The following DCAF1 variants were observed in gnomAD, a reference collection of about 807,000 sequenced individuals.
The protein encoded by DCAF1 is DDB1 and CUL4 associated factor 1, also known as DDB1- and CUL4-associated factor 1.
Under a neutral mutation model 128.0 loss-of-function variants are expected in DCAF1, and 15 were observed. That is an observed-to-expected ratio of 0.12 (90% confidence interval 0.08 to 0.18). DCAF1 has a LOEUF of 0.18. Among genes scored for constraint, DCAF1 ranks in the 10% least tolerant of loss-of-function variants. The pLI is 1.00. For synonymous variants in DCAF1, 610 were observed against 603.0 expected (o/e 1.01, Z -0.17); for missense variants, 988 against 1,649.5 (o/e 0.60, Z 6.95).
chr3:51,452,294 C>A (rs1452874931), intron 6 of DCAF1, among the ~76,000 whole-genome samples: 4 of 152,050 alleles, frequency 2.6e-5, no homozygotes, highest in South Asian at 2.1e-4. Context: ...CTGAGGAACA[C>A]CAATAGCTAA....
chr3:51,491,898 CTGTT>C (rs1707692033), intron 2 of DCAF1, among the ~76,000 whole-genome samples: 2 of 152,172 alleles, frequency 1.3e-5, no homozygotes, highest in African/African-American at 4.8e-5. Flanking sequence ...TGGCTCACGC[CTGTT>C]ATCCCAGCAC....
intron 3 of DCAF1, among the ~76,000 whole-genome samples, chr3:51,475,330 A>G (rs931163208): frequency 6.6e-6 from 1 of 152,144 alleles, no homozygotes; most frequent in Non-Finnish European, 1.5e-5. Context: ...GGCCAGGCAC[A>G]GTGGCTCATG....
At chr3:51,472,533 C>T (rs80154052) in intron 3 of DCAF1, among the ~76,000 whole-genome samples, 10,478 of 151,986 alleles carry the variant, frequency 0.069, 925 homozygotes, top group East Asian at 0.33. Flanking sequence ...TCTATAGGCA[C>T]GCAACACTGT....
chr3:51,456,267 C>A (rs1702895167), intron 6 of DCAF1, among the ~76,000 whole-genome samples: 1 of 152,232 alleles, frequency 6.6e-6, no homozygotes, highest in South Asian at 2.1e-4. Flanking sequence ...ACATCCCGCA[C>A]CTGGCTCGGA....
intron 1 of DCAF1, among the ~76,000 whole-genome samples, chr3:51,497,249 C>T (rs548509669): frequency 6.6e-6 from 1 of 151,500 alleles, no homozygotes; most frequent in African/African-American, 2.4e-5. Context: ...GGGCAAAGAT[C>T]GCACCACTGC....
intron 3 of DCAF1, among the ~76,000 whole-genome samples, chr3:51,477,886 T>C (rs1347065225): frequency 2.6e-5 from 4 of 152,058 alleles, no homozygotes; most frequent in Non-Finnish European, 5.9e-5. Flanking sequence ...TTTACAAACC[T>C]TCCCATTCCA....
chr3:51,417,496 G>A (rs548334525), intron 17 of DCAF1, among the ~76,000 whole-genome samples: 1 of 152,054 alleles, frequency 6.6e-6, no homozygotes, highest in African/African-American at 2.4e-5. Flanking sequence ...CAAGGCCAGC[G>A]GATCACAAGG....
chr3:51,403,007 TCAAGAGAC>T, intron 24 of DCAF1, 128 bp downstream of exon 24: 1 of 1,405,902 alleles, frequency 7.1e-7, no homozygotes, highest in Non-Finnish European at 9.4e-7. Flanking sequence ...GTGCTTTGCC[TCAAGAGAC>T]CAGAGTAGTG....
downstream of DCAF1, chr3:51,397,642 A>AAAAC (rs2089293586): frequency 1.8e-5 from 3 of 166,868 alleles, no homozygotes; most frequent in Admixed American, 2.0e-4. Context: ...TACCCTTACA[A>AAAAC]AAACAGGCCC....
At chr3:51,463,728 A>C (rs1023204762) in intron 5 of DCAF1, among the ~76,000 whole-genome samples, 23 of 151,970 alleles carry the variant, frequency 1.5e-4, no homozygotes, top group African/African-American at 4.8e-4. Context: ...GGGTGAAGTG[A>C]GCCCTAATCA....
rs536036710 is a variant in DCAF1 at position 51,436,390 on chromosome 3, A to G, written c.1129-3126T>C. On this transcript the variant is annotated intron_variant, in intron 9 of 24. Transcript: ENST00000684031. ...ATTCAGATGTTGCTGCAGTTTCTGC[A>G]TGTATAACCAATGGGATCCTTCTGA... 5.4e-5 allele frequency: 28 copies of G among 520,168 alleles called. 1 individual carries two copies. The highest frequency in any genetic ancestry group is 3.2e-4 in the Middle Eastern group (1 of 3,146). The allele number at this position is 520,168 out of a possible 1,614,324, so 32.2% of individuals were successfully genotyped here.
chr3:51,500,809 TGTC>T (rs1300763280), upstream of DCAF1, among the ~76,000 whole-genome samples: 2 of 149,540 alleles, frequency 1.3e-5, no homozygotes, highest in Non-Finnish European at 3.0e-5. Flanking sequence ...CTTTTTTCTC[TGTC>T]TTTTTTTTTT....
intron 2 of DCAF1, among the ~76,000 whole-genome samples, chr3:51,494,184 G>A (rs1300088673): frequency 2.1e-5 from 3 of 145,480 alleles, no homozygotes; most frequent in Non-Finnish European, 3.0e-5. Context: ...GCAGGATCTC[G>A]GCTCACTGCA....
At chr3:51,413,895 TAA>T in intron 20 of DCAF1, 53 bp downstream of exon 20, 3 of 1,376,942 alleles carry the variant, frequency 2.2e-6, no homozygotes, top group Non-Finnish European at 2.8e-6. Flanking sequence ...AGTATCAAAT[TAA>T]GTGAAGGGGT....
In DCAF1 at chr3:51,403,469, CAAA is replaced by C. The variant is rs2089884217; in HGVS notation, c.4213-77_4213-75del. The C allele has an allele frequency of 2.0e-6, 3 of 1,520,688 alleles. No individual in the cohort carries two copies. The African/African-American group carries it at 4.1e-5, about 21-fold the overall frequency. 94.2% of individuals were successfully genotyped at this position (1,520,688 alleles called of 1,614,324 possible). ...CATGGGGGCCACATGGCGGGTCGAC[CAAA>C]GAGACAGGGTAGGAAACTGTCAGTA... On this transcript the variant is annotated intron_variant, in intron 23 of 24. Coordinates refer to ENST00000684031, the MANE Select transcript of DCAF1 (RefSeq NM_001387579.1).
chr3:51,472,587 C>A (rs562931681), intron 3 of DCAF1, among the ~76,000 whole-genome samples: 1 of 151,990 alleles, frequency 6.6e-6, no homozygotes, highest in Non-Finnish European at 1.5e-5. Flanking sequence ...ACCATATAAT[C>A]TTTTTACATC....
At chr3:51,430,973 G>A (rs1700315767) in intron 10 of DCAF1, among the ~76,000 whole-genome samples, 1 of 152,144 alleles carries the variant, frequency 6.6e-6, no homozygotes, top group Non-Finnish European at 1.5e-5. Flanking sequence ...CTTTTCAAAT[G>A]TATAACCCAC....
intron 9 of DCAF1, 92 bp downstream of exon 9, chr3:51,440,878 C>T: frequency 9.1e-7 from 1 of 1,093,696 alleles, no homozygotes; most frequent in Non-Finnish European, 1.3e-6. Context: ...TGCACTCCAG[C>T]CTGGGCGACA....
In DCAF1 at chr3:51,428,767, G is replaced by A. The variant is rs151286829; in HGVS notation, c.1677+494C>T. On this transcript the variant is annotated intron_variant, in intron 12 of 24. Transcript: ENST00000684031. ...CTAGCACTTTGGGAGGTCGAGGTGG[G>A]AGGACTGCTTGAGTCCAGGAGTTCC... 2.3e-4 allele frequency among the ~76,000 whole-genome samples: 35 copies of A among 152,146 alleles called. No individual in the cohort carries two copies. In the East Asian group the frequency reaches 6.0e-3, roughly 26 times the overall value.
Sources: allele counts gnomAD v4.1 joint callset (sites outside exome capture counted in the v4.1 genomes callset), GRCh38; gene constraint gnomAD v4.1.1; transcripts MANE v1.5; gene names NCBI Gene and HGNC (gene_info 2026-07-23, HGNC 2026-07-21).